MMP26: variants seen among roughly 807,000 people sequenced by gnomAD.
The protein encoded by MMP26 is matrix metalloproteinase-26.
MMP26 carries 33 observed loss-of-function variants against 31.0 expected under a neutral mutation model. The observed-to-expected ratio is 1.06, with a 90% CI of 0.81 to 1.42. The LOEUF is 1.42. Among genes scored for constraint, MMP26 ranks in the 40% most tolerant of loss-of-function variants. MMP26 has a pLI of 0.00. For missense variants in MMP26, 347 were observed against 316.1 expected (o/e 1.10, Z -0.74); for synonymous variants, 122 against 114.9 (o/e 1.06, Z -0.40).
At position 4,792,403 on chromosome 11, in the gene MMP26, C is replaced by T. The variant is rs532318676; in HGVS notation, c.-145+25062C>T. 2.6e-5 allele frequency among the ~76,000 whole-genome samples: 4 copies of T among 152,222 alleles called. No individual in the cohort carries two copies. In the South Asian group the frequency reaches 8.3e-4, roughly 32 times the overall value. ...CCAGCCCCTAACAAACCCTTAGCAACATATTTAGGGAGAGAGATTTTTGAC... is the reference window on the plus strand; with the variant it reads ...CCAGCCCCTAACAAACCCTTAGCAATATATTTAGGGAGAGAGATTTTTGAC... On this transcript the variant is annotated intron_variant, in intron 2 of 7. Coordinates refer to ENST00000380390, the MANE Select transcript of MMP26 (RefSeq NM_021801.5).
chr11:4,769,077 C>T (rs1848670744), intron 2 of MMP26: 3 of 1,576,592 alleles, frequency 1.9e-6, no homozygotes, highest in Non-Finnish European at 2.6e-6. Flanking sequence ...AGCAGGTATA[C>T]ATTAGCCATC....
chr11:4,840,719 C>G (rs374435404), intron 2 of MMP26, among the ~76,000 whole-genome samples: 2 of 152,144 alleles, frequency 1.3e-5, no homozygotes, highest in African/African-American at 4.8e-5. Flanking sequence ...ACAAAGAAGC[C>G]CAGACAGTGA....
intron 2 of MMP26, among the ~76,000 whole-genome samples, chr11:4,807,559 T>C (rs1849288267): frequency 7.4e-6 from 1 of 135,004 alleles, no homozygotes; most frequent in African/African-American, 2.8e-5. Context: ...TAGGTGGGAG[T>C]TGAACAACGA....
intron 2 of MMP26, among the ~76,000 whole-genome samples, chr11:4,841,663 C>A (rs1471861677): frequency 1.3e-5 from 2 of 152,128 alleles, no homozygotes; most frequent in African/African-American, 4.8e-5. Context: ...CCGAGCATGG[C>A]GGCTCACATC....
intron 2 of MMP26, among the ~76,000 whole-genome samples, chr11:4,799,890 C>T (rs7939275): frequency 0.15 from 22,737 of 152,260 alleles, 1,812 homozygotes; most frequent in Middle Eastern, 0.21. Flanking sequence ...TCGCCCCTTA[C>T]TCCATGTCCT....
At chr11:4,816,542 A>G (rs902789663) in intron 2 of MMP26, among the ~76,000 whole-genome samples, 10 of 151,890 alleles carry the variant, frequency 6.6e-5, no homozygotes, top group Admixed American at 5.9e-4. Context: ...TTATCCTGCT[A>G]TCAGACAAAA....
intron 2 of MMP26, among the ~76,000 whole-genome samples, chr11:4,910,149 A>G (rs1424202103): frequency 6.6e-6 from 1 of 152,144 alleles, no homozygotes; most frequent in East Asian, 1.9e-4. Flanking sequence ...ACAGAGGAAA[A>G]TCTGTTTTCG....
At chr11:4,848,565 C>T (rs1262275806) in intron 2 of MMP26, 1 of 1,609,522 alleles carries the variant, frequency 6.2e-7, no homozygotes, top group Admixed American at 1.7e-5. Flanking sequence ...GGGGTCCAAA[C>T]CCATGGCTGA....
intron 2 of MMP26, among the ~76,000 whole-genome samples, chr11:4,826,370 G>A (rs917691172): frequency 5.9e-5 from 9 of 152,062 alleles, no homozygotes; most frequent in African/African-American, 9.7e-5. Flanking sequence ...CTAGTCCCAT[G>A]GGGCCCCTGA....
rs1846895159 is a variant in MMP26 at position 4,986,697 on chromosome 11, A to AT, written c.-144-1364dup. ...AGGGGCCTGTCACCATGCTGGGCTA[A>AT]TTTTTTTGTATTTTTAGTAGAGACG... On this transcript the variant is annotated intron_variant, in intron 2 of 7. Coordinates refer to ENST00000380390, the MANE Select transcript of MMP26 (RefSeq NM_021801.5). Among the ~76,000 whole-genome samples, 3 of 149,034 alleles carry AT rather than the reference A, an allele frequency of 2.0e-5. No individual in the cohort carries two copies. In the South Asian group the frequency reaches 6.3e-4, roughly 32 times the overall value.
chr11:4,930,955 G>C (rs1851338308), intron 2 of MMP26, among the ~76,000 whole-genome samples: 1 of 151,992 alleles, frequency 6.6e-6, no homozygotes, highest in Non-Finnish European at 1.5e-5. Context: ...AGTAGTTGAA[G>C]TATTTTAAGA....
At chr11:4,748,011 T>C (rs534842668) in intron 1 of MMP26, among the ~76,000 whole-genome samples, 4 of 151,696 alleles carry the variant, frequency 2.6e-5, no homozygotes, top group Non-Finnish European at 5.9e-5. Flanking sequence ...AATTAAAAGG[T>C]GGTTCTTTGA....
intron 2 of MMP26, among the ~76,000 whole-genome samples, chr11:4,931,107 C>A (rs1359829901): frequency 6.6e-6 from 1 of 151,824 alleles, no homozygotes; most frequent in African/African-American, 2.4e-5. Flanking sequence ...GAGAATATTG[C>A]AAGCTTGAAT....
intron 2 of MMP26, among the ~76,000 whole-genome samples, chr11:4,810,530 T>C (rs1849336122): frequency 6.6e-6 from 1 of 152,230 alleles, no homozygotes; most frequent in African/African-American, 2.4e-5. Flanking sequence ...CCTAGCTACA[T>C]ACCTGGCAGT....
chr11:4,876,745 T>TTA (rs57505631), intron 2 of MMP26: 101,810 of 152,110 alleles, frequency 0.67, 35,567 homozygotes, highest in Middle Eastern at 0.78. Context: ...AGCCCATGTA[T>TTA]TTTTCTAGCC....
intron 1 of MMP26, among the ~76,000 whole-genome samples, chr11:4,717,439 A>T (rs773780520): frequency 6.6e-6 from 1 of 152,174 alleles, no homozygotes; most frequent in Non-Finnish European, 1.5e-5. Context: ...TGAGAAAAAC[A>T]TAGTTGTAGC....
intron 2 of MMP26, among the ~76,000 whole-genome samples, chr11:4,885,984 T>C (rs1288362700): frequency 6.6e-6 from 1 of 152,100 alleles, no homozygotes; most frequent in Non-Finnish European, 1.5e-5. Context: ...AGTAGGCCTA[T>C]GTCTTATGTA....
rs529190092 is a variant in MMP26 at position 4,928,765 on chromosome 11, G to C, written c.-144-59303G>C. Among the ~76,000 whole-genome samples, 5 of 152,204 alleles carry C rather than the reference G, an allele frequency of 3.3e-5. No individual in the cohort carries two copies. In the East Asian group the frequency reaches 9.7e-4, roughly 29 times the overall value. On this transcript the variant is annotated intron_variant, in intron 2 of 7. Coordinates refer to ENST00000380390, the MANE Select transcript of MMP26 (RefSeq NM_021801.5). ...GCTGCAGCTTCATCTAGCCATGTGG[G>C]ATACATGTGCAGTGCACACACTTCT...
At chr11:4,982,079 T>C (rs527406936) in intron 2 of MMP26, among the ~76,000 whole-genome samples, 21 of 151,618 alleles carry the variant, frequency 1.4e-4, no homozygotes, top group Middle Eastern at 3.4e-3. Flanking sequence ...TATATATATA[T>C]ACACACAATA....
Sources: allele counts gnomAD v4.1 joint callset (sites outside exome capture counted in the v4.1 genomes callset), GRCh38; gene constraint gnomAD v4.1.1; transcripts MANE v1.5; gene names NCBI Gene and HGNC (gene_info 2026-07-23, HGNC 2026-07-21).